The following TOPAZ1 variants were observed in gnomAD, a reference collection of about 807,000 sequenced individuals.
The protein encoded by TOPAZ1 is testis and ovary specific TOPAZ 1.
Under a neutral mutation model 172.2 loss-of-function variants are expected in TOPAZ1, and 66 were observed. The observed-to-expected ratio is 0.38, with a 90% CI of 0.31 to 0.47. The LOEUF (loss-of-function observed/expected upper bound fraction) is 0.47, where lower values mean the gene tolerates loss of function less well. Ranked by LOEUF, TOPAZ1 falls within the 20% of genes least tolerant of loss-of-function variation. TOPAZ1 has a pLI of 0.99. For missense variants in TOPAZ1, 1,822 were observed against 1,972.4 expected (o/e 0.92, Z 1.44); for synonymous variants, 681 against 683.9 (o/e 1.00, Z 0.07).
At chr3:44,318,827 T>C (rs1250878553) in intron 16 of TOPAZ1, among the ~76,000 whole-genome samples, 1 of 147,798 alleles carries the variant, frequency 6.8e-6, no homozygotes, top group Non-Finnish European at 1.5e-5. Flanking sequence ...AATATATATT[T>C]TATATAATTA....
At chr3:44,306,564 A>C (rs1197589756) in intron 15 of TOPAZ1, 138 bp downstream of exon 15, 1 of 510,678 alleles carries the variant, frequency 2.0e-6, no homozygotes, top group Non-Finnish European at 3.6e-6. Flanking sequence ...CAGACTAGTG[A>C]GTGATTTATT....
chr3:44,279,902 C>T (rs1305167352), intron 8 of TOPAZ1, among the ~76,000 whole-genome samples: 1 of 152,034 alleles, frequency 6.6e-6, no homozygotes, highest in Non-Finnish European at 1.5e-5. Flanking sequence ...TTCTTTCTCT[C>T]TTATTGCCTA....
downstream of TOPAZ1, among the ~76,000 whole-genome samples, chr3:44,335,753 C>G (rs1199616830): frequency 6.6e-6 from 1 of 152,192 alleles, no homozygotes; most frequent in Admixed American, 6.5e-5. Context: ...GAGGTCAGGG[C>G]TGAGATTAAA....
intron 5 of TOPAZ1, among the ~76,000 whole-genome samples, chr3:44,263,361 A>G (rs1264387471): frequency 6.6e-6 from 1 of 152,238 alleles, no homozygotes; most frequent in Non-Finnish European, 1.5e-5. Context: ...AGGTTTATCA[A>G]CTTGACTCTA....
At chr3:44,277,056 G>C (rs1699969016) in intron 8 of TOPAZ1, among the ~76,000 whole-genome samples, 2 of 152,140 alleles carry the variant, frequency 1.3e-5, no homozygotes, top group Admixed American at 1.3e-4. Context: ...CTCCCAAAGT[G>C]CTGGGATTAC....
At chr3:44,319,176 C>G (rs971528296) in intron 16 of TOPAZ1, among the ~76,000 whole-genome samples, 42 of 152,206 alleles carry the variant, frequency 2.8e-4, no homozygotes, top group African/African-American at 9.1e-4. Context: ...CCCATGCTGC[C>G]CCTCACAGAC....
chr3:44,269,343 C>A, intron 7 of TOPAZ1, 42 bp downstream of exon 7: 1 of 1,136,118 alleles, frequency 8.8e-7, no homozygotes, highest in Non-Finnish European at 1.3e-6. Flanking sequence ...GTCTCTTTCT[C>A]CTCCCCCTCC....
Position 44,244,464 on chromosome 3 carries a change from A to G in TOPAZ1, c.1958A>G (p.Asn653Ser), listed in dbSNP as rs1207787522. Residue 653 changes from asparagine (N) to serine (S), a missense_variant, in exon 2 of 20, where the codon AAC (asparagine) becomes AGC (serine). This residue lies in a region of TOPAZ1 where 1,489 missense variants were observed against 1,490.8 expected (regional missense o/e 1.00). Coordinates refer to ENST00000309765, the MANE Select transcript of TOPAZ1 (RefSeq NM_001145030.2). ...ATSKDGQEAN[N>S]SAGKTIHRKA... ...TCCAAAGATGGTCAGGAAGCAAATA[A>G]CTCTGCAGGCAAAACTATTCATCGA... 1 of 1,551,580 alleles carries G rather than the reference A, an allele frequency of 6.4e-7. No homozygotes were observed. The highest frequency in any genetic ancestry group is 2.4e-5 in the East Asian group (1 of 40,914).
rs192330414 is a variant in TOPAZ1 at position 44,295,783 on chromosome 3, G to T, written c.3797+4897G>T. On this transcript the variant is annotated intron_variant, in intron 12 of 19. Transcript: ENST00000309765. Reference sequence around the variant, plus strand: ...AATGGACAATTCTATAATTATAGTTGGGGACTTCAATATCCCTCTCTCAAT... The same window carrying T: ...AATGGACAATTCTATAATTATAGTTTGGGACTTCAATATCCCTCTCTCAAT... Among the ~76,000 whole-genome samples the T allele has an allele frequency of 3.4e-4, 51 of 152,190 alleles. No individual in the cohort carries two copies. The East Asian group carries it at 5.8e-3, about 17-fold the overall frequency.
intron 12 of TOPAZ1, among the ~76,000 whole-genome samples, chr3:44,292,944 A>G (rs1037375880): frequency 6.6e-6 from 1 of 152,102 alleles, no homozygotes; most frequent in Non-Finnish European, 1.5e-5. Context: ...GTATCTTTAT[A>G]CCCTCTGCCC....
chr3:44,329,688 C>T (rs905836482), intron 19 of TOPAZ1, among the ~76,000 whole-genome samples: 6 of 152,296 alleles, frequency 3.9e-5, no homozygotes, highest in African/African-American at 1.4e-4. Flanking sequence ...TGATTATCTA[C>T]GTATTTGCAT....
intron 5 of TOPAZ1, among the ~76,000 whole-genome samples, chr3:44,263,139 A>G (rs1208691794): frequency 1.3e-5 from 2 of 152,216 alleles, no homozygotes; most frequent in Non-Finnish European, 1.5e-5. Context: ...CAAGACCACC[A>G]GCTGATTTTG....
chr3:44,315,496 T>A (rs1700441720), intron 16 of TOPAZ1, among the ~76,000 whole-genome samples: 1 of 151,420 alleles, frequency 6.6e-6, no homozygotes. Flanking sequence ...GCCTCCCAAG[T>A]AGCTGGGATT....
intron 8 of TOPAZ1, among the ~76,000 whole-genome samples, chr3:44,275,359 A>G (rs759767312): frequency 2.0e-5 from 3 of 151,944 alleles, no homozygotes; most frequent in Non-Finnish European, 4.4e-5. Flanking sequence ...CCTCCTACCT[A>G]CACATTCTTC....
At chr3:44,260,703 G>A (rs1374068993) in intron 4 of TOPAZ1, among the ~76,000 whole-genome samples, 1 of 151,876 alleles carries the variant, frequency 6.6e-6, no homozygotes, top group African/African-American at 2.4e-5. Flanking sequence ...TTGGTGTCAC[G>A]CTTAGGCTTT....
chr3:44,303,072 A>G (rs1390422286), intron 12 of TOPAZ1, among the ~76,000 whole-genome samples: 2 of 152,150 alleles, frequency 1.3e-5, no homozygotes, highest in African/African-American at 4.8e-5. Context: ...AGCTCAATGG[A>G]TCTGCCCAAC....
chr3:44,312,312 G>A (rs746491302), intron 16 of TOPAZ1, among the ~76,000 whole-genome samples: 3 of 151,478 alleles, frequency 2.0e-5, no homozygotes, highest in Non-Finnish European at 4.4e-5. Flanking sequence ...GGACAAATAC[G>A]TATTTGCTTA....
At chr3:44,301,768 A>G (rs1227386530) in intron 12 of TOPAZ1, among the ~76,000 whole-genome samples, 1 of 152,024 alleles carries the variant, frequency 6.6e-6, no homozygotes, top group African/African-American at 2.4e-5. Context: ...CCTTTGTAGT[A>G]TATATTAGTA....
chr3:44,254,126 T>C (rs188201264), intron 2 of TOPAZ1, among the ~76,000 whole-genome samples: 457 of 152,318 alleles, frequency 3.0e-3, no homozygotes, highest in Middle Eastern at 0.027. Context: ...TTTACAGATA[T>C]GGTTAAACTT....
Sources: allele counts gnomAD v4.1 joint callset (sites outside exome capture counted in the v4.1 genomes callset), GRCh38; gene constraint gnomAD v4.1.1; regional missense constraint gnomAD v4.1.1; transcripts MANE v1.5; gene names NCBI Gene and HGNC (gene_info 2026-07-23, HGNC 2026-07-21).